Variants in ST7 observed in about 807,000 individuals in gnomAD.
ST7 encodes the protein suppression of tumorigenicity 7, also known as suppressor of tumorigenicity 7 protein.
Under a neutral mutation model 78.7 loss-of-function variants are expected in ST7, and 28 were observed. The ratio of observed to expected loss-of-function variants is 0.36; its 90% CI spans 0.26 to 0.49. ST7 has a LOEUF of 0.49. Ranked by LOEUF, ST7 falls within the 20% of genes least tolerant of loss-of-function variation. The pLI, the probability that ST7 is intolerant of heterozygous loss-of-function variation, is 0.99. For synonymous variants in ST7, 247 were observed against 249.6 expected, an observed-to-expected ratio of 0.99 and a Z score of 0.10; for missense variants, 418 against 696.0, an observed-to-expected ratio of 0.60 and a Z score of 4.49.
rs1809571369 is a variant in ST7, at chr7:117,189,412, G to A, written c.1151+19G>A. On this transcript the variant is annotated intron_variant, in intron 11 of 15. Transcript: ENST00000323984. ...CTGACAAGTAAGTGAATAATAGTTT[G>A]CGCGGTACTAATGCCTGACCGGAAT... The A allele has an allele frequency of 6.3e-7, 1 of 1,578,690 alleles. No individual in the cohort carries two copies. The highest frequency in any genetic ancestry group is 8.6e-7 in the Non-Finnish European group (1 of 1,159,200).
At chr7:117,088,652 T>C (rs1396664946) in intron 1 of ST7, among the ~76,000 whole-genome samples, 1 of 152,212 alleles carries the variant, frequency 6.6e-6, no homozygotes, top group Non-Finnish European at 1.5e-5. Flanking sequence ...GTTTCTGTAA[T>C]ATTTTTTGGT....
chr7:117,042,444 A>G (rs1186278563), intron 1 of ST7, among the ~76,000 whole-genome samples: 2 of 152,178 alleles, frequency 1.3e-5, no homozygotes, highest in African/African-American at 2.4e-5. Flanking sequence ...GAGTCATCCA[A>G]TTTATACTGT....
intron 1 of ST7, among the ~76,000 whole-genome samples, chr7:117,061,042 T>C (rs1051117400): frequency 2.8e-4 from 43 of 152,234 alleles, no homozygotes; most frequent in African/African-American, 1.0e-3. Flanking sequence ...TTCCCATAAA[T>C]AAATGGGAAA....
intron 1 of ST7, among the ~76,000 whole-genome samples, chr7:117,007,003 C>T (rs1795184865): frequency 6.6e-6 from 1 of 152,170 alleles, no homozygotes; most frequent in Admixed American, 6.5e-5. Flanking sequence ...TTTCGACCTT[C>T]CTAATCCCTG....
intron 1 of ST7, among the ~76,000 whole-genome samples, chr7:116,997,448 A>G (rs978101589): frequency 1.3e-5 from 2 of 152,128 alleles, no homozygotes; most frequent in African/African-American, 4.8e-5. Flanking sequence ...GCTAGACACA[A>G]AAGTTCTCCA....
At chr7:117,103,485 G>A (rs1801720047) in intron 2 of ST7, among the ~76,000 whole-genome samples, 1 of 152,088 alleles carries the variant, frequency 6.6e-6, no homozygotes, top group Non-Finnish European at 1.5e-5. Context: ...AAGGCACTGA[G>A]AACGTACATT....
chr7:117,166,890 C>CAAA (rs34604154), intron 9 of ST7, among the ~76,000 whole-genome samples: 2 of 120,922 alleles, frequency 1.7e-5, no homozygotes, highest in African/African-American at 5.8e-5. Flanking sequence ...CTCTGTCTCT[C>CAAA]AAAAAAAAAA....
rs1312932000 is a variant in ST7, at chr7:117,059,331, C to G, written c.152-40431C>G. Reference sequence around the variant, plus strand: ...TAAATACATATCTACTATGTACCCACAAAAATTAAAGATAAAAAGAAATAG... The same window carrying G: ...TAAATACATATCTACTATGTACCCAGAAAAATTAAAGATAAAAAGAAATAG... On this transcript the variant is annotated intron_variant, in intron 1 of 15. Coordinates refer to ENST00000323984, the MANE Select transcript of ST7 (RefSeq NM_001369598.1). Among the ~76,000 whole-genome samples, 3 of 151,960 alleles carry G rather than the reference C, an allele frequency of 2.0e-5. No homozygotes were observed. In the East Asian group the frequency reaches 5.8e-4, roughly 29 times the overall value.
At chr7:117,142,150 A>G (rs886379255) in intron 9 of ST7, among the ~76,000 whole-genome samples, 1 of 152,010 alleles carries the variant, frequency 6.6e-6, no homozygotes, top group East Asian at 1.9e-4. Context: ...GCTAACCTCA[A>G]GTTTTCCCTC....
At chr7:117,054,770 T>G (rs1311199263) in intron 1 of ST7, among the ~76,000 whole-genome samples, 2 of 152,232 alleles carry the variant, frequency 1.3e-5, no homozygotes, top group African/African-American at 4.8e-5. Flanking sequence ...CTGACAGATG[T>G]TTGTCACTGA....
At chr7:117,135,676 G>T (rs755019255) in intron 7 of ST7, among the ~76,000 whole-genome samples, 3 of 152,014 alleles carry the variant, frequency 2.0e-5, no homozygotes, top group Non-Finnish European at 4.4e-5. Flanking sequence ...ACCATCACTA[G>T]CTGACATTTA....
intron 12 of ST7, among the ~76,000 whole-genome samples, chr7:117,200,750 CAA>C (rs924361272): frequency 4.0e-5 from 6 of 148,716 alleles, no homozygotes; most frequent in Non-Finnish European, 8.9e-5. Context: ...TGCGGGAAGT[CAA>C]GAGAAAATAG....
At chr7:117,155,843 G>A (rs1563127653) in intron 9 of ST7, among the ~76,000 whole-genome samples, 1 of 152,200 alleles carries the variant, frequency 6.6e-6, no homozygotes. Context: ...CAGCTGCTGT[G>A]TTCACTATGC....
At chr7:117,229,636 G>A in intron 15 of ST7, 126 bp from the exon 16 acceptor site, 1 of 751,740 alleles carries the variant, frequency 1.3e-6, no homozygotes, top group South Asian at 1.7e-5. Flanking sequence ...ACATAAAGAT[G>A]AAATGGTTGC....
chr7:117,003,375 G>A (rs373904858), intron 1 of ST7, among the ~76,000 whole-genome samples: 64 of 152,038 alleles, frequency 4.2e-4, no homozygotes, highest in South Asian at 8.3e-4. Context: ...TTGGCACATT[G>A]CAACCTCTGA....
chr7:117,166,779 C>CT (rs1807589928), intron 9 of ST7, among the ~76,000 whole-genome samples: 1 of 151,818 alleles, frequency 6.6e-6, no homozygotes, highest in Non-Finnish European at 1.5e-5. Flanking sequence ...GTTCCAGCTA[C>CT]TTGGGAGGCT....
chr7:117,221,200 A>G (rs1650325884), intron 14 of ST7, among the ~76,000 whole-genome samples: 2 of 152,234 alleles, frequency 1.3e-5, no homozygotes, highest in South Asian at 2.1e-4. Flanking sequence ...TGTTTGAAAT[A>G]TAATATAAAA....
chr7:117,086,247 G>GT (rs1457610694), intron 1 of ST7, among the ~76,000 whole-genome samples: 17 of 152,270 alleles, frequency 1.1e-4, no homozygotes, highest in African/African-American at 3.8e-4. Context: ...TGGCCTTCCA[G>GT]TGGTAATACT....
At chr7:117,142,084 C>T (rs980301635) in intron 9 of ST7, among the ~76,000 whole-genome samples, 35 of 152,054 alleles carry the variant, frequency 2.3e-4, no homozygotes, top group Non-Finnish European at 4.0e-4. Flanking sequence ...AATTTTGCCT[C>T]TTCAACATTT....
Sources: gnomAD v4.1 joint callset for allele counts (sites outside exome capture counted in the v4.1 genomes callset) on GRCh38, gnomAD v4.1.1 for gene constraint, MANE v1.5 for transcripts, NCBI Gene and HGNC (gene_info 2026-07-23, HGNC 2026-07-21) for gene names.